Variants in KCNAB1 observed in about 807,000 individuals in gnomAD.
The protein encoded by KCNAB1 is voltage-gated potassium channel subunit beta-1.
A neutral mutation model predicts 64.6 loss-of-function variants in KCNAB1; 35 were observed. That is an observed-to-expected ratio of 0.54 (90% confidence interval 0.41 to 0.72). KCNAB1 has a LOEUF of 0.72. Among genes scored for constraint, KCNAB1 ranks in the 30% least tolerant of loss-of-function variants. KCNAB1 has a pLI of 0.00. For missense variants in KCNAB1, 401 were observed against 512.9 expected, an observed-to-expected ratio of 0.78 and a Z score of 2.11; for synonymous variants, 177 against 183.8, an observed-to-expected ratio of 0.96 and a Z score of 0.30.
intron 8 of KCNAB1, among the ~76,000 whole-genome samples, chr3:156,487,822 CT>C (rs1715323351): frequency 6.6e-6 from 1 of 151,618 alleles, no homozygotes; most frequent in African/African-American, 2.4e-5. Context: ...ATGTTTTTAT[CT>C]AATGAGATAG....
intron 1 of KCNAB1, among the ~76,000 whole-genome samples, chr3:156,219,827 C>A (rs1715589263): frequency 6.6e-6 from 1 of 151,936 alleles, no homozygotes; most frequent in Admixed American, 6.6e-5. Flanking sequence ...ATCAACTCGT[C>A]ATTTACATTA....
At chr3:156,369,628 A>G (rs1261683049) in intron 1 of KCNAB1, among the ~76,000 whole-genome samples, 2 of 152,228 alleles carry the variant, frequency 1.3e-5, no homozygotes, top group Non-Finnish European at 2.9e-5. Flanking sequence ...CAAACCTCAC[A>G]TACCACTGTA....
intron 1 of KCNAB1, among the ~76,000 whole-genome samples, chr3:156,251,957 G>A (rs982020164): frequency 5.3e-5 from 8 of 152,244 alleles, no homozygotes; most frequent in African/African-American, 1.9e-4. Context: ...GACTGAGAAA[G>A]AAACTGTTAC....
chr3:156,435,884 C>A (rs1576862203), intron 2 of KCNAB1, among the ~76,000 whole-genome samples: 1 of 152,250 alleles, frequency 6.6e-6, no homozygotes, highest in East Asian at 1.9e-4. Flanking sequence ...TCAACATTTT[C>A]TTCTGCTCCA....
chr3:156,448,509 G>A (rs562062610), intron 2 of KCNAB1, among the ~76,000 whole-genome samples: 1 of 152,290 alleles, frequency 6.6e-6, no homozygotes, highest in East Asian at 1.9e-4. Flanking sequence ...TCTGTGAGAG[G>A]CAACTCCTCC....
intron 1 of KCNAB1, among the ~76,000 whole-genome samples, chr3:156,134,841 C>G (rs918849993): frequency 6.6e-6 from 1 of 152,168 alleles, no homozygotes; most frequent in African/African-American, 2.4e-5. Flanking sequence ...ATAGCAGAGA[C>G]ACACTGAGGG....
chr3:156,157,124 T>C (rs898126706), intron 1 of KCNAB1, among the ~76,000 whole-genome samples: 1 of 152,186 alleles, frequency 6.6e-6, no homozygotes, highest in African/African-American at 2.4e-5. Context: ...AGAGAGACCA[T>C]TGGATGTAGG....
intron 1 of KCNAB1, among the ~76,000 whole-genome samples, chr3:156,208,239 T>C (rs760576760): frequency 1.3e-5 from 2 of 152,172 alleles, no homozygotes; most frequent in African/African-American, 2.4e-5. Flanking sequence ...AGGTTGCCGC[T>C]GCTCCTACTT....
At chr3:156,383,696 A>G (rs1024495098) in intron 1 of KCNAB1, among the ~76,000 whole-genome samples, 2 of 152,266 alleles carry the variant, frequency 1.3e-5, no homozygotes, top group African/African-American at 4.8e-5. Context: ...TCAGAAAAAA[A>G]TAAAACCTCA....
At chr3:156,230,823 C>A (rs1716476318) in intron 1 of KCNAB1, among the ~76,000 whole-genome samples, 1 of 152,198 alleles carries the variant, frequency 6.6e-6, no homozygotes, top group African/African-American at 2.4e-5. Flanking sequence ...TGTGTATCTT[C>A]TGTGTGTATA....
intron 1 of KCNAB1, among the ~76,000 whole-genome samples, chr3:156,413,178 T>C (rs760454813): frequency 1.3e-5 from 2 of 152,204 alleles, no homozygotes; most frequent in South Asian, 4.1e-4. Context: ...AAGAAGGGTC[T>C]GAGTGGGGAT....
rs183545096 is a variant in KCNAB1, at chr3:156,187,623, G to C, written c.275+66737G>C. ...ACTGTGCCCTCTGTGCATCTGGCAA[G>C]TCATCAAGTCCTATTGACTCCACTT... On this transcript the variant is annotated intron_variant, in intron 1 of 13. Transcript: ENST00000490337. 1.9e-3 allele frequency among the ~76,000 whole-genome samples: 286 copies of C among 152,292 alleles called. 1 individual carries two copies. The highest frequency in any genetic ancestry group is 6.7e-3 in the African/African-American group (277 of 41,550).
At chr3:156,309,364 C>T (rs1195864766) in intron 1 of KCNAB1, among the ~76,000 whole-genome samples, 1 of 152,230 alleles carries the variant, frequency 6.6e-6, no homozygotes, top group East Asian at 1.9e-4. Flanking sequence ...GGCCTCAGCC[C>T]TCTCTAGCTT....
At chr3:156,190,700 T>G (rs543619877) in intron 1 of KCNAB1, among the ~76,000 whole-genome samples, 64 of 150,976 alleles carry the variant, frequency 4.2e-4, no homozygotes, top group Non-Finnish European at 5.8e-4. Context: ...TTAAGATTTG[T>G]TTTTTTTTGG....
chr3:156,252,479 G>T (rs887633458), intron 1 of KCNAB1, among the ~76,000 whole-genome samples: 2 of 152,126 alleles, frequency 1.3e-5, no homozygotes, highest in Non-Finnish European at 2.9e-5. Flanking sequence ...ATTTGTTTTT[G>T]ACAGCACTCT....
chr3:156,536,751 AATGC>A lies in KCNAB1; in HGVS notation c.*8_*11del. ...CAAGAAGGACTATAGATCATAAGGC[AATGC>A]ATGAACCACAGAAGCTGCATGGTTA... On this transcript the variant is annotated 3_prime_UTR_variant, in exon 14 of 14. Coordinates refer to ENST00000490337, the MANE Select transcript of KCNAB1 (RefSeq NM_172160.3). The A allele has an allele frequency of 6.3e-7, 1 of 1,590,448 alleles. No individual in the cohort carries two copies. The highest frequency in any genetic ancestry group is 1.3e-5 in the African/African-American group (1 of 74,534).
intron 2 of KCNAB1, among the ~76,000 whole-genome samples, chr3:156,425,383 C>T (rs1294731324): frequency 6.6e-6 from 1 of 152,134 alleles, no homozygotes; most frequent in Non-Finnish European, 1.5e-5. Context: ...GGTGAAGTAA[C>T]TTGAGAGTGA....
intron 8 of KCNAB1, among the ~76,000 whole-genome samples, chr3:156,494,392 C>G (rs942027447): frequency 6.6e-6 from 1 of 152,110 alleles, no homozygotes; most frequent in Non-Finnish European, 1.5e-5. Context: ...AGACTTTTCC[C>G]TGGGAAGCCA....
chr3:156,129,511 T>C (rs1302401205), intron 1 of KCNAB1, among the ~76,000 whole-genome samples: 1 of 152,236 alleles, frequency 6.6e-6, no homozygotes, highest in Non-Finnish European at 1.5e-5. Context: ...CACATTAATA[T>C]AAGCTCTGAT....
Sources: allele counts gnomAD v4.1 joint callset (sites outside exome capture counted in the v4.1 genomes callset), GRCh38; gene constraint gnomAD v4.1.1; transcripts MANE v1.5; gene names NCBI Gene and HGNC (gene_info 2026-07-23, HGNC 2026-07-21).